Variants in CAST observed in about 807,000 individuals in gnomAD.
CAST encodes the protein calpastatin.
A neutral mutation model predicts 119.6 loss-of-function variants in CAST; 76 were observed. That is an observed-to-expected ratio of 0.64 (90% CI 0.53 to 0.77). CAST has a LOEUF of 0.77. Ranked by LOEUF, CAST falls within the 30% of genes least tolerant of loss-of-function variation. The pLI is 0.00. For synonymous variants in CAST, 319 were observed against 331.6 expected (o/e 0.96, Z 0.41); for missense variants, 953 against 946.5 (o/e 1.01, Z -0.09).
intron 10 of CAST, 110 bp downstream of exon 10, chr5:96,736,350 C>A: frequency 1.6e-6 from 1 of 608,438 alleles, no homozygotes; most frequent in Non-Finnish European, 2.8e-6. Context: ...ATTTAAAGGA[C>A]CATTTTAATG....
At chr5:96,188,945 A>C in the CAST span, among the ~76,000 whole-genome samples, 1 of 152,180 alleles carries the variant, frequency 6.6e-6, no homozygotes, top group East Asian at 1.9e-4. Flanking sequence ...GTTTTTGTAC[A>C]CTAAATTTTA....
the CAST span, among the ~76,000 whole-genome samples, chr5:96,435,052 G>T: frequency 6.6e-6 from 1 of 152,136 alleles, no homozygotes; most frequent in Admixed American, 6.5e-5. Flanking sequence ...TCACACCTCG[G>T]CCTGAGTTGT....
chr5:96,640,187 G>A (rs985608239), intron 1 of CAST, among the ~76,000 whole-genome samples: 3 of 152,150 alleles, frequency 2.0e-5, no homozygotes, highest in African/African-American at 7.2e-5. Context: ...GGAAAGGAAG[G>A]CATGTTAGCC....
At chr5:96,268,254 T>C in the CAST span, among the ~76,000 whole-genome samples, 1 of 152,104 alleles carries the variant, frequency 6.6e-6, no homozygotes. Flanking sequence ...ACACTGAATG[T>C]AAAAGGGTTT....
chr5:96,129,387 G>A, the CAST span, among the ~76,000 whole-genome samples: 1 of 152,078 alleles, frequency 6.6e-6, no homozygotes, highest in South Asian at 2.1e-4. Context: ...CCTGGTGGGT[G>A]AGAGAGGCAA....
At chr5:96,761,390 G>A (rs1354409543) in intron 24 of CAST, 2 of 151,878 alleles carry the variant, frequency 1.3e-5, no homozygotes, top group Admixed American at 6.6e-5. Flanking sequence ...ATTCTAAAAC[G>A]GCTTTACAGG....
chr5:96,461,575 G>A, the CAST span, among the ~76,000 whole-genome samples: 1 of 152,040 alleles, frequency 6.6e-6, no homozygotes, highest in African/African-American at 2.4e-5. Flanking sequence ...AGATTAGATA[G>A]AATGATTCTG....
the CAST span, among the ~76,000 whole-genome samples, chr5:96,322,396 C>T: frequency 1.3e-5 from 2 of 152,152 alleles, no homozygotes; most frequent in African/African-American, 4.8e-5. Flanking sequence ...TCCTGCCTCA[C>T]AGCCTGCCCA....
chr5:96,291,452 A>C, the CAST span, among the ~76,000 whole-genome samples: 1 of 152,222 alleles, frequency 6.6e-6, no homozygotes, highest in Non-Finnish European at 1.5e-5. Context: ...ACAAGATGAC[A>C]GTTCATCTTT....
chr5:96,306,537 T>C, the CAST span, among the ~76,000 whole-genome samples: 1 of 152,122 alleles, frequency 6.6e-6, no homozygotes, highest in Non-Finnish European at 1.5e-5. Context: ...TTAATTGTGA[T>C]GTTAAGGTGT....
the CAST span, among the ~76,000 whole-genome samples, chr5:96,181,789 T>A: frequency 6.6e-6 from 1 of 152,358 alleles, no homozygotes; most frequent in South Asian, 2.1e-4. Context: ...ATGGCCAAAC[T>A]TGTAATATTT....
intron 25 of CAST, among the ~76,000 whole-genome samples, chr5:96,763,679 G>A (rs1271059126): frequency 2.6e-5 from 4 of 152,066 alleles, no homozygotes; most frequent in Non-Finnish European, 4.4e-5. Context: ...TTAGGAAATC[G>A]AAGAGTCAAA....
chr5:96,432,997 AGAG>A, the CAST span: 1 of 1,614,254 alleles, frequency 6.2e-7, no homozygotes, highest in South Asian at 1.1e-5. Context: ...CAAGCGCAAA[AGAG>A]GACGAAAGCA....
At chr5:96,432,945 T>C in the CAST span, 3 of 1,614,166 alleles carry the variant, frequency 1.9e-6, no homozygotes, top group Non-Finnish European at 2.5e-6. Context: ...TGCCCATTCA[T>C]TGACAAATTG....
chr5:96,069,971 G>A, the CAST span, among the ~76,000 whole-genome samples: 1 of 152,054 alleles, frequency 6.6e-6, no homozygotes, highest in Non-Finnish European at 1.5e-5. Context: ...GGCCAACAAA[G>A]CAAGACCCTG....
chr5:96,700,859 A>G (rs1419960438), intron 3 of CAST, among the ~76,000 whole-genome samples: 1 of 152,056 alleles, frequency 6.6e-6, no homozygotes, highest in Non-Finnish European at 1.5e-5. Flanking sequence ...GTGGAACTAC[A>G]TTGTTTGCCT....
At chr5:96,103,974 G>C in the CAST span, among the ~76,000 whole-genome samples, 1 of 152,026 alleles carries the variant, frequency 6.6e-6, no homozygotes, top group Non-Finnish European at 1.5e-5. Flanking sequence ...TTTTTTCATG[G>C]TGTGAAAATT....
At chr5:96,509,444 T>C in the CAST span, among the ~76,000 whole-genome samples, 1 of 152,236 alleles carries the variant, frequency 6.6e-6, no homozygotes, top group South Asian at 2.1e-4. Context: ...CTGAGCTCTG[T>C]GACTCATACC....
At chr5:96,305,320 C>T in the CAST span, among the ~76,000 whole-genome samples, 13 of 152,176 alleles carry the variant, frequency 8.5e-5, no homozygotes, top group African/African-American at 1.2e-4. Flanking sequence ...TGAGACTTTG[C>T]TGAAGTTGCT....
Sources: allele counts gnomAD v4.1 joint callset (sites outside exome capture counted in the v4.1 genomes callset), GRCh38; gene constraint gnomAD v4.1.1; transcripts MANE v1.5; gene names NCBI Gene and HGNC (gene_info 2026-07-23, HGNC 2026-07-21).